CAD: variants seen among roughly 807,000 people sequenced by gnomAD.
CAD encodes carbamoyl-phosphate synthetase 2, aspartate transcarbamylase, and dihydroorotase.
In CAD, 81 loss-of-function variants were observed where a neutral mutation model predicts 237.2. That is an observed-to-expected ratio of 0.34 (90% CI 0.29 to 0.41). The LOEUF is 0.41. CAD is among the 10% of genes least tolerant of loss of function. CAD has a pLI of 1.00. For synonymous variants in CAD, 1,196 were observed against 1,162.8 expected, an observed-to-expected ratio of 1.03 and a Z score of -0.58; for missense variants, 2,181 against 2,951.7, an observed-to-expected ratio of 0.74 and a Z score of 6.05.
At position 27,234,356 on chromosome 2, in the gene CAD, T is replaced by TGTAGCTAG. The variant is rs1300559647; in HGVS notation, c.3618+131_3618+138dup. 54 of 1,138,242 alleles carry TGTAGCTAG rather than the reference T, an allele frequency of 4.7e-5. No individual in the cohort carries two copies. The African/African-American group carries it at 7.2e-4, about 15-fold the overall frequency. 70.5% of individuals were successfully genotyped at this position (1,138,242 alleles called of 1,614,324 possible). A position where few individuals can be genotyped will look rare whatever the true frequency, so the allele number is the denominator to read the frequency against. ...GGCAGGGAAGCTGGAGGGAAAGGGC[T>TGTAGCTAG]GTAGCTAGAGCTCATGGTGTTGGGG... On this transcript the variant is annotated intron_variant, in intron 22 of 43. Transcript: ENST00000264705.
At chr2:27,229,073 C>T (rs1477220699) in intron 15 of CAD, among the ~76,000 whole-genome samples, 1 of 151,702 alleles carries the variant, frequency 6.6e-6, no homozygotes, top group African/African-American at 2.4e-5. Flanking sequence ...CGCGCACAAC[C>T]ACGCCCAGCT....
At position 27,238,571 on chromosome 2, in the gene CAD, C is replaced by T. The variant is rs764608059; in HGVS notation, c.5001C>T (p.Arg1667=). The T allele has an allele frequency of 6.2e-7, 1 of 1,614,072 alleles. No homozygotes were observed. The highest frequency in any genetic ancestry group is 1.7e-5 in the Admixed American group (1 of 60,000). Residue 1667 remains arginine, a synonymous_variant, in exon 31 of 44, where the codon CGC becomes CGT. Coordinates refer to ENST00000264705, the MANE Select transcript of CAD (RefSeq NM_004341.5). The part of the protein sequence containing the change: ...KGEVRPELGS[R]QDVEALWENM... Reference sequence around the variant, plus strand: ...AGGTCCGGCCTGAGCTTGGCTCCCGCCAGGATGTGGAAGCCCTGTGGGAGA... The same window carrying T: ...AGGTCCGGCCTGAGCTTGGCTCCCGTCAGGATGTGGAAGCCCTGTGGGAGA...
At position 27,240,193 on chromosome 2, in the gene CAD, T is replaced by G; in HGVS notation, c.5497-72T>G. The G allele has an allele frequency of 1.2e-5, 16 of 1,288,730 alleles. No individual in the cohort carries two copies. Among genetic ancestry groups the G allele is most frequent in the Non-Finnish European group, 1.8e-5 (16 of 907,172 alleles). The allele number at this position is 1,288,730 out of a possible 1,614,324, so 79.8% of individuals were successfully genotyped here. ...AAGGTCACGCCACTGCACTCCAGCC[T>G]GAGCGACAGAACGAGACTCCGTCTC... On this transcript the variant is annotated intron_variant, in intron 34 of 43. Transcript: ENST00000264705. The surrounding 1 kb of genome is among the most constrained non-coding windows in gnomAD (Gnocchi z 4.6).
intron 3 of CAD, 55 bp downstream of exon 3, chr2:27,221,402 A>T: frequency 7.1e-7 from 1 of 1,408,922 alleles, no homozygotes; most frequent in Non-Finnish European, 9.3e-7. Flanking sequence ...CTGGATGGAA[A>T]GAATCAAGGT....
intron 2 of CAD, among the ~76,000 whole-genome samples, chr2:27,219,284 T>C (rs1675032229): frequency 6.6e-6 from 1 of 152,354 alleles, no homozygotes; most frequent in Admixed American, 6.5e-5. Flanking sequence ...CCCTCCCACA[T>C]AAACTTTCTG....
chr2:27,237,596 C>G lies in CAD; in HGVS notation c.4563+51C>G. On this transcript the variant is annotated intron_variant, in intron 28 of 43. Transcript: ENST00000264705. The surrounding 1 kb of genome is among the most constrained non-coding windows in gnomAD (Gnocchi z 4.0). ...TTGGAGACCCATATGCCCCTACCAG[C>G]CACCCTTGCTTCCCTGAGCCCTTTT... 1.3e-6 allele frequency: 2 copies of G among 1,588,042 alleles called. No homozygotes were observed. The highest frequency in any genetic ancestry group is 1.1e-5 in the South Asian group (1 of 88,502).
chr2:27,232,970 A>T lies in CAD; in HGVS notation c.2893-72A>T. 9.5e-7 allele frequency: 1 copy of T among 1,049,122 alleles called. No individual in the cohort carries two copies. Among genetic ancestry groups the T allele is most frequent in the Non-Finnish European group, 1.5e-6 (1 of 667,738 alleles). The allele number at this position is 1,049,122 out of a possible 1,614,324, so 65.0% of individuals were successfully genotyped here. ...GTCTCTGAAGTAGGGGCTTTGGCTT[A>T]GTTTCTCCACGATTTTCTCCACGAT... On this transcript the variant is annotated intron_variant, in intron 18 of 43. Transcript: ENST00000264705. The surrounding 1 kb of genome is among the most constrained non-coding windows in gnomAD (Gnocchi z 4.1).
rs943334635 is a variant in CAD, at chr2:27,229,541, A to ATTACAGG, written c.2288-1925_2288-1919dup. ...CTGCCTCAGCCTTCCAAAGTGTTGG[A>ATTACAGG]TTACAGGTGAGAGCCACCAGGACTG... On this transcript the variant is annotated intron_variant, in intron 15 of 43. Transcript: ENST00000264705. Among the ~76,000 whole-genome samples the ATTACAGG allele has an allele frequency of 5.3e-5, 8 of 152,124 alleles. No homozygotes were observed. The South Asian group carries it at 1.2e-3, about 24-fold the overall frequency.
At position 27,235,589 on chromosome 2, in the gene CAD, C is replaced by T. The variant is rs2148082463; in HGVS notation, c.4023C>T (p.Ser1341=). The change falls in exon 25 of 44, where the codon AGC becomes AGT. Residue 1341 remains serine (S), a synonymous_variant. Transcript: ENST00000264705. This position sits in a 1 kb window ranked among gnomAD's most constrained non-coding sequence, Gnocchi z 5.2. ...GGCTACTGGAGAGCCTGGGCTACAG[C>T]CTCTATGCCAGTCTCGGCACAGCTG... ...TVRLLESLGY[S]LYASLGTADF... The T allele has an allele frequency of 1.2e-6, 2 of 1,614,186 alleles. No individual in the cohort carries two copies. The highest frequency in any genetic ancestry group is 1.7e-6 in the Non-Finnish European group (2 of 1,180,018).
chr2:27,235,120 CAGAG>C lies in CAD; in HGVS notation c.3787-122_3787-119del, dbSNP rs374226503. On this transcript the variant is annotated intron_variant, in intron 23 of 43. Coordinates refer to ENST00000264705, the MANE Select transcript of CAD (RefSeq NM_004341.5). This position sits in a 1 kb window ranked among gnomAD's most constrained non-coding sequence, Gnocchi z 5.2. ...TACGTTTGGAAAGCAGGAGGGCACA[CAGAG>C]AGGGCAGGCTGACCCTGCCATTCAG... 4 of 842,964 alleles carry C rather than the reference CAGAG, an allele frequency of 4.7e-6. No individual in the cohort carries two copies. The highest frequency in any genetic ancestry group is 3.8e-5 in the South Asian group (2 of 51,976). 52.2% of individuals were successfully genotyped at this position (842,964 alleles called of 1,614,324 possible). A position where few individuals can be genotyped will look rare whatever the true frequency, so the allele number is the denominator to read the frequency against.
chr2:27,226,385 C>T (rs1177362522), intron 13 of CAD, 66 bp downstream of exon 13: 4 of 1,577,106 alleles, frequency 2.5e-6, no homozygotes, highest in South Asian at 1.1e-5. Context: ...ATTTTTGGCC[C>T]TTGAGGTTGA....
At position 27,225,724 on chromosome 2, in the gene CAD, G is replaced by A. The variant is rs561774560; in HGVS notation, c.1640G>A (p.Arg547Gln). Residue 547 changes from arginine (R) to glutamine (Q), a missense_variant, in exon 12 of 44, where the codon CGG (arginine) becomes CAG (glutamine). Coordinates refer to ENST00000264705, the MANE Select transcript of CAD (RefSeq NM_004341.5). ...SLEQAQAAAE[R>Q]LGYPVLVRAA... ...TTGCAGGCCCAGGCAGCCGCTGAAC[G>A]GCTGGGGTACCCTGTGCTAGTGCGT... 5.0e-6 allele frequency: 8 copies of A among 1,614,044 alleles called. No homozygotes were observed. In the African/African-American group the frequency reaches 5.3e-5, roughly 11 times the overall value.
In CAD at chr2:27,222,555, A is replaced by T; in HGVS notation, c.532A>T (p.Ile178Phe). ...RVFNTGGAPRILALDCGLKYN... is the reference protein window; with the variant it reads ...RVFNTGGAPRFLALDCGLKYN... Reference sequence around the variant, plus strand: ...ATTCAATACAGGGGGTGCCCCTCGGATCCTTGCTTTGGACTGTGGCCTCAA... The same window carrying T: ...ATTCAATACAGGGGGTGCCCCTCGGTTCCTTGCTTTGGACTGTGGCCTCAA... Residue 178 changes from isoleucine to phenylalanine, a missense_variant, in exon 5 of 44, where the codon ATC becomes TTC. Ile to Phe is a conservative substitution (Grantham distance 21). Coordinates refer to ENST00000264705, the MANE Select transcript of CAD (RefSeq NM_004341.5). The T allele has an allele frequency of 6.2e-7, 1 of 1,614,036 alleles. No homozygotes were observed. The highest frequency in any genetic ancestry group is 2.2e-5 in the East Asian group (1 of 44,874).
intron 30 of CAD, 42 bp from the exon 31 acceptor site, chr2:27,238,389 A>C (rs1396745947): frequency 6.5e-7 from 1 of 1,530,762 alleles, no homozygotes; most frequent in East Asian, 2.3e-5. Flanking sequence ...AGGGCAAGGC[A>C]TATGGGTGGT....
rs1302370385 is a variant in CAD, at chr2:27,236,364, T to C, written c.4155T>C (p.Ala1385=). The C allele has an allele frequency of 1.2e-6, 2 of 1,614,030 alleles. No individual in the cohort carries two copies. Among genetic ancestry groups the C allele is most frequent in the South Asian group, 1.1e-5 (1 of 91,090 alleles). Residue 1385 remains alanine, a synonymous_variant, in exon 26 of 44, where the codon GCT becomes GCC. Coordinates refer to ENST00000264705, the MANE Select transcript of CAD (RefSeq NM_004341.5). This position sits in a 1 kb window ranked among gnomAD's most constrained non-coding sequence, Gnocchi z 4.1. ...AGCGGAGCATCCTGGAGCAGCTAGC[T>C]GAGAAAAACTTTGAGCTGGTGATTA... The part of the protein sequence containing the change: ...PPQRSILEQL[A]EKNFELVINL...
At position 27,234,632 on chromosome 2, in the gene CAD, G is replaced by A; in HGVS notation, c.3733G>A (p.Glu1245Lys). The A allele has an allele frequency of 6.2e-7, 1 of 1,614,138 alleles. No homozygotes were observed. Residue 1245 changes from glutamate (E) to lysine (K), a missense_variant, in exon 23 of 44, where the codon GAA becomes AAA. Physicochemically the swap from Glu to Lys is moderately conservative, Grantham distance 56. Coordinates refer to ENST00000264705, the MANE Select transcript of CAD (RefSeq NM_004341.5). ...CTTGGCCACGCGGGTCATCATGGGG[G>A]AAGAAGTGGAACCTGTGGGGCTAAT... ...VALATRVIMG[E>K]EVEPVGLMTG...
intron 15 of CAD, among the ~76,000 whole-genome samples, chr2:27,228,231 C>T (rs17005956): frequency 0.24 from 36,772 of 152,122 alleles, 4,744 homozygotes; most frequent in Admixed American, 0.36. Flanking sequence ...AGAGAAAAGA[C>T]GGTTCCTCTC....
At position 27,233,762 on chromosome 2, in the gene CAD, C is replaced by G; in HGVS notation, c.3353C>G (p.Ser1118Cys). 6.2e-7 allele frequency: 1 copy of G among 1,614,134 alleles called. No individual in the cohort carries two copies. The highest frequency in any genetic ancestry group is 8.5e-7 in the Non-Finnish European group (1 of 1,180,044). Reference protein sequence around the residue: ...ERFLSSAAAVSKEHPVVISKF... With the variant: ...ERFLSSAAAVCKEHPVVISKF... ...TTCCTGAGCAGCGCAGCAGCCGTCT[C>G]CAAAGAGCATCCCGTGGTCATCTCC... Residue 1118 changes from serine to cysteine, a missense_variant, in exon 21 of 44, where the codon TCC becomes TGC. This residue lies in a region of CAD where 306 missense variants were observed against 607.9 expected (regional missense o/e 0.50). Coordinates refer to ENST00000264705, the MANE Select transcript of CAD (RefSeq NM_004341.5). The surrounding 1 kb of genome is among the most constrained non-coding windows in gnomAD (Gnocchi z 6.3).
Position 27,233,833 on chromosome 2 carries a change from C to T in CAD, c.3399+25C>T. ...GGTGGGAGGCTGCAGACAGTGAAGTCTCTGAGGGCATGCTGCCAGCCCTGG... is the reference window on the plus strand; with the variant it reads ...GGTGGGAGGCTGCAGACAGTGAAGTTTCTGAGGGCATGCTGCCAGCCCTGG... On this transcript the variant is annotated intron_variant, in intron 21 of 43. Transcript: ENST00000264705. This position sits in a 1 kb window ranked among gnomAD's most constrained non-coding sequence, Gnocchi z 6.3. 6.2e-7 allele frequency: 1 copy of T among 1,610,782 alleles called. No individual in the cohort carries two copies. The highest frequency in any genetic ancestry group is 8.5e-7 in the Non-Finnish European group (1 of 1,178,298).
Sources: gnomAD v4.1 joint callset for allele counts (sites outside exome capture counted in the v4.1 genomes callset) on GRCh38, gnomAD v4.1.1 for gene constraint, gnomAD v4.1.1 regional missense constraint, Gnocchi (gnomAD v3.1) non-coding constraint, MANE v1.5 for transcripts, NCBI Gene and HGNC (gene_info 2026-07-23, HGNC 2026-07-21) for gene names.